Variants in RGPD3 observed in about 807,000 individuals in gnomAD.
The protein encoded by RGPD3 is ranBP2-like and GRIP domain-containing protein 3.
A neutral mutation model predicts 154.5 loss-of-function variants in RGPD3; 62 were observed. The observed-to-expected ratio is 0.40, with a 90% confidence interval of 0.33 to 0.50. The LOEUF is 0.50. Among genes scored for constraint, RGPD3 ranks in the 20% least tolerant of loss-of-function variants. RGPD3 has a pLI of 0.59. For missense variants in RGPD3, 919 were observed against 1,716.8 expected, an observed-to-expected ratio of 0.54 and a Z score of 8.21; for synonymous variants, 308 against 607.0, an observed-to-expected ratio of 0.51 and a Z score of 7.24.
At chr2:106,412,980 A>C in intron 22 of RGPD3, 104 bp downstream of exon 22, 2 of 1,539,606 alleles carry the variant, frequency 1.3e-6, no homozygotes, top group Non-Finnish European at 1.8e-6. Flanking sequence ...GACCCAATTC[A>C]AATGAGCAAA....
intron 20 of RGPD3, among the ~76,000 whole-genome samples, chr2:106,418,387 A>C (rs2104450174): frequency 6.6e-6 from 1 of 151,442 alleles, no homozygotes; most frequent in Non-Finnish European, 1.5e-5. Context: ...CTTGAAACAC[A>C]CTTGCTGAAA....
chr2:106,470,303 T>C (rs1366943840), upstream of RGPD3, among the ~76,000 whole-genome samples: 4 of 152,254 alleles, frequency 2.6e-5, no homozygotes, highest in Non-Finnish European at 5.9e-5. Flanking sequence ...TGTTCCGCAT[T>C]ATCTAGCCTT....
rs1160200796 is a variant in RGPD3 at position 106,433,012 on chromosome 2, G to A, written c.2392C>T (p.Pro798Ser). 15 of 1,609,364 alleles carry A rather than the reference G, an allele frequency of 9.3e-6. No homozygotes were observed. The Admixed American group carries it at 2.3e-4, about 25-fold the overall frequency. The change falls in exon 17 of 23, where the codon CCC becomes TCC. Residue 798 changes from proline (P) to serine (S), a missense_variant. Physicochemically the swap from Pro to Ser is moderately conservative, Grantham distance 74. Transcript: ENST00000409886. ...TCTGCCCATCGAGGTGGTGTTTTGG[G>A]AGAATACTAAAAAAAAAATAAAAAT... Reference protein sequence around the residue: ...LSPSKSYKYSPKTPPRWAEDQ... With the variant: ...LSPSKSYKYSSKTPPRWAEDQ...
intron 1 of RGPD3, among the ~76,000 whole-genome samples, chr2:106,465,430 A>C (rs1251778958): frequency 6.6e-6 from 1 of 152,172 alleles, no homozygotes; most frequent in East Asian, 1.9e-4. Flanking sequence ...AAATCTTGCC[A>C]CCACTCCACT....
rs1273487918 is a variant in RGPD3, at chr2:106,447,590, G to A, written c.806C>T (p.Ala269Val). ...ATCATTTCCACCCAAAGAAGATTTCGCAGACTGAAGAGCACTATCAAAACT... is the reference window on the plus strand; with the variant it reads ...ATCATTTCCACCCAAAGAAGATTTCACAGACTGAAGAGCACTATCAAAACT... ...LESFDSALQS[A>V]KSSLGGNDEL... Residue 269 changes from alanine (A) to valine (V), a missense_variant, in exon 7 of 23, where the codon GCG becomes GTG. Transcript: ENST00000409886. The A allele has an allele frequency of 2.3e-5, 4 of 170,282 alleles. No individual in the cohort carries two copies. The highest frequency in any genetic ancestry group is 1.2e-4 in the Admixed American group (1 of 8,566). The allele number at this position is 170,282 out of a possible 1,614,324, so 10.5% of individuals were successfully genotyped here.
intron 1 of RGPD3, among the ~76,000 whole-genome samples, chr2:106,460,231 T>G (rs1170468912): frequency 2.9e-5 from 4 of 136,000 alleles, no homozygotes; most frequent in African/African-American, 1.1e-4. Flanking sequence ...GCCTTGGAAA[T>G]CTTGGAAACC....
chr2:106,418,514 G>A (rs917107146), intron 20 of RGPD3, among the ~76,000 whole-genome samples: 3 of 152,042 alleles, frequency 2.0e-5, no homozygotes, highest in African/African-American at 4.8e-5. Flanking sequence ...TCCAGGGCAC[G>A]GAACTAATCA....
intron 20 of RGPD3, among the ~76,000 whole-genome samples, chr2:106,419,563 CAT>C (rs907698877): frequency 6.6e-6 from 1 of 151,902 alleles, no homozygotes; most frequent in African/African-American, 2.4e-5. Context: ...AGAATTAGGA[CAT>C]GTGTCAGCCA....
intron 22 of RGPD3, among the ~76,000 whole-genome samples, chr2:106,411,776 C>G (rs1039245608): frequency 2.0e-5 from 3 of 152,104 alleles, no homozygotes; most frequent in Admixed American, 1.3e-4. Flanking sequence ...CATGATCGGA[C>G]CACTGCACTC....
intron 17 of RGPD3, among the ~76,000 whole-genome samples, chr2:106,431,857 TAC>T (rs1240058932): frequency 2.0e-5 from 3 of 150,402 alleles, no homozygotes; most frequent in African/African-American, 7.3e-5. Flanking sequence ...ACGATATATA[TAC>T]ATAACTATTT....
At chr2:106,465,572 T>TA (rs397959281) in intron 1 of RGPD3, among the ~76,000 whole-genome samples, 6 of 148,112 alleles carry the variant, frequency 4.1e-5, no homozygotes, top group African/African-American at 1.5e-4. Context: ...TTTTTTTTTT[T>TA]AAGCTTGTTT....
upstream of RGPD3, among the ~76,000 whole-genome samples, chr2:106,468,905 A>G (rs918128465): frequency 6.8e-6 from 1 of 147,718 alleles, no homozygotes; most frequent in Admixed American, 6.8e-5. Flanking sequence ...GAAAAAGCCA[A>G]CAAATGAGAC....
Position 106,411,886 on chromosome 2 carries a change from A to G in RGPD3, c.5266+1198T>C, listed in dbSNP as rs1023259961. On this transcript the variant is annotated intron_variant, in intron 22 of 22. Coordinates refer to ENST00000409886, the MANE Select transcript of RGPD3 (RefSeq NM_001144013.2). ...CAACCAAATGCAATATATGAGCTCTATTTAGGATACTATAAAAAGACATTC... is the reference window on the plus strand; with the variant it reads ...CAACCAAATGCAATATATGAGCTCTGTTTAGGATACTATAAAAAGACATTC... 2.2e-4 allele frequency among the ~76,000 whole-genome samples: 34 copies of G among 152,164 alleles called. 1 individual carries two copies. The highest frequency in any genetic ancestry group is 7.5e-4 in the African/African-American group (31 of 41,432).
chr2:106,434,163 C>T (rs540025800), intron 15 of RGPD3, 65 bp downstream of exon 15: 48 of 1,596,996 alleles, frequency 3.0e-5, no homozygotes, highest in Non-Finnish European at 3.9e-5. Context: ...AAATATAAGA[C>T]CAACGCAAAA....
intron 7 of RGPD3, among the ~76,000 whole-genome samples, chr2:106,443,650 A>G (rs1447127123): frequency 9.4e-6 from 1 of 106,892 alleles, no homozygotes; most frequent in Admixed American, 8.9e-5. Flanking sequence ...TTAGTTGTGA[A>G]TCCACTCAAT....
chr2:106,454,283 T>C lies in RGPD3; in HGVS notation c.406-1357A>G, dbSNP rs1573294680. Among the ~76,000 whole-genome samples the C allele has an allele frequency of 2.1e-5, 3 of 145,372 alleles. No homozygotes were observed. In the East Asian group the frequency reaches 6.0e-4, roughly 29 times the overall value. On this transcript the variant is annotated intron_variant, in intron 4 of 22. Coordinates refer to ENST00000409886, the MANE Select transcript of RGPD3 (RefSeq NM_001144013.2). ...CCAACTCTCAAGACCAAGCCGCCCATTAGTACTCTGTATTTCATTCCCCTC... is the reference window on the plus strand; with the variant it reads ...CCAACTCTCAAGACCAAGCCGCCCACTAGTACTCTGTATTTCATTCCCCTC...
Position 106,404,996 on chromosome 2 carries a change from T to A in RGPD3, c.*223A>T, listed in dbSNP as rs1676462724. The A allele has an allele frequency of 1.5e-6, 1 of 657,080 alleles. No homozygotes were observed. The highest frequency in any genetic ancestry group is 2.6e-6 in the Non-Finnish European group (1 of 384,318). The allele number at this position is 657,080 out of a possible 1,614,324, so 40.7% of individuals were successfully genotyped here. On this transcript the variant is annotated 3_prime_UTR_variant, in exon 23 of 23. Transcript: ENST00000409886. ...TCAACACTTCAAGCTGTTGTACTTT[T>A]ACTTCAAGTTGAAACTTTTAAAATA...
chr2:106,426,647 C>G lies in RGPD3; in HGVS notation c.2606-559G>C, dbSNP rs1438125399. 3.9e-5 allele frequency among the ~76,000 whole-genome samples: 6 copies of G among 152,138 alleles called. No individual in the cohort carries two copies. In the East Asian group the frequency reaches 1.2e-3, roughly 29 times the overall value. The stretch of plus-strand genomic sequence containing the variant: ...GCACATCAACACTCATACAGATGTA[C>G]AAACTGTCTGCTCCCTCTGTTTGGT... On this transcript the variant is annotated intron_variant, in intron 18 of 22. Coordinates refer to ENST00000409886, the MANE Select transcript of RGPD3 (RefSeq NM_001144013.2).
chr2:106,427,383 ATC>A (rs1388545304), intron 18 of RGPD3, among the ~76,000 whole-genome samples: 1 of 151,310 alleles, frequency 6.6e-6, no homozygotes, highest in Admixed American at 6.6e-5. Flanking sequence ...CTTTAAAAAA[ATC>A]ACATTAACAT....
Sources: allele counts gnomAD v4.1 joint callset (sites outside exome capture counted in the v4.1 genomes callset), GRCh38; gene constraint gnomAD v4.1.1; transcripts MANE v1.5; gene names NCBI Gene and HGNC (gene_info 2026-07-23, HGNC 2026-07-21).